Variants in PLOD2 observed in about 807,000 individuals in gnomAD.
PLOD2 encodes the protein procollagen-lysine,2-oxoglutarate 5-dioxygenase 2.
A neutral mutation model predicts 101.0 loss-of-function variants in PLOD2; 65 were observed. The observed-to-expected ratio is 0.64, with a 90% CI of 0.53 to 0.79. The LOEUF (loss-of-function observed/expected upper bound fraction) is 0.79, where lower values mean the gene tolerates loss of function less well. PLOD2 is among the 30% of genes least tolerant of loss of function. PLOD2 has a pLI of 0.00. For missense variants in PLOD2, 909 were observed against 914.6 expected (o/e 0.99, Z 0.08); for synonymous variants, 314 against 302.9 (o/e 1.04, Z -0.38).
At chr3:146,080,441 A>C (rs1936497373) in intron 12 of PLOD2, among the ~76,000 whole-genome samples, 1 of 152,012 alleles carries the variant, frequency 6.6e-6, no homozygotes, top group Admixed American at 6.6e-5. Context: ...ATAAAGGGGA[A>C]TTACTGTATA....
Position 146,077,070 on chromosome 3 carries a change from T to C in PLOD2, c.1564-175A>G, listed in dbSNP as rs1437839652. 1.2e-5 allele frequency: 15 copies of C among 1,283,472 alleles called. No homozygotes were observed. The African/African-American group carries it at 1.8e-4, about 16-fold the overall frequency. The allele number at this position is 1,283,472 out of a possible 1,614,324, so 79.5% of individuals were successfully genotyped here. A position where few individuals can be genotyped will look rare whatever the true frequency, so the allele number is the denominator to read the frequency against. On this transcript the variant is annotated intron_variant, in intron 14 of 19. Transcript: ENST00000282903. ...TTAAAATAAAAAACTCAAATTTTGA[T>C]TATGAATTCAGACACCACACAAAAC...
intron 11 of PLOD2, among the ~76,000 whole-genome samples, chr3:146,083,799 T>C (rs1336536021): frequency 6.6e-6 from 1 of 151,960 alleles, no homozygotes; most frequent in Non-Finnish European, 1.5e-5. Flanking sequence ...GCCAGGATGA[T>C]CTCGATCTCC....
chr3:146,121,001 G>A (rs774468257), intron 3 of PLOD2, 111 bp downstream of exon 3: 9 of 857,304 alleles, frequency 1.0e-5, no homozygotes, highest in Middle Eastern at 2.2e-4. Context: ...GATTACAGGC[G>A]TGAGCCACCG....
At chr3:146,145,756 C>G (rs897836823) in intron 1 of PLOD2, among the ~76,000 whole-genome samples, 1 of 151,730 alleles carries the variant, frequency 6.6e-6, no homozygotes, top group Non-Finnish European at 1.5e-5. Flanking sequence ...CTTAATGAGC[C>G]AGAATTTTAT....
chr3:146,104,299 T>C lies in PLOD2; in HGVS notation c.659A>G (p.Gln220Arg), dbSNP rs1002474604. The C allele has an allele frequency of 4.4e-6, 7 of 1,592,420 alleles. No homozygotes were observed. The highest frequency in any genetic ancestry group is 6.0e-6 in the Non-Finnish European group (7 of 1,160,248). The change falls in exon 6 of 20, where the codon CAG (glutamine) becomes CGG (arginine). Residue 220 changes from glutamine (Q) to arginine (R), a missense_variant. Coordinates refer to ENST00000282903, the MANE Select transcript of PLOD2 (RefSeq NM_182943.3). Reference protein sequence around the residue: ...ITLDHKCKIFQTLNGAVDEVV... With the variant: ...ITLDHKCKIFRTLNGAVDEVV... The stretch of plus-strand genomic sequence containing the variant: ...CATACCTACAGCTCCATTTAAGGTC[T>C]GGAAAATTTTGCATTTGTGATCCAA...
rs1453379303 is a variant in PLOD2 at position 146,161,165 on chromosome 3, C to T, written c.-176G>A. The T allele has an allele frequency of 6.2e-5, 25 of 401,436 alleles. No homozygotes were observed. Among genetic ancestry groups the T allele is most frequent in the Non-Finnish European group, 9.9e-5 (23 of 232,170 alleles). 24.9% of individuals were successfully genotyped at this position (401,436 alleles called of 1,614,324 possible). ...GCGTAACGCAGCTGAGTGAGGTCGT[C>T]GGTGGAGGCACGGAGCAGCAGGCGC... On this transcript the variant is annotated 5_prime_UTR_variant, in exon 1 of 20. Coordinates refer to ENST00000282903, the MANE Select transcript of PLOD2 (RefSeq NM_182943.3).
intron 1 of PLOD2, among the ~76,000 whole-genome samples, chr3:146,154,040 A>T (rs1398832045): frequency 6.6e-6 from 1 of 152,156 alleles, no homozygotes; most frequent in African/African-American, 2.4e-5. Context: ...CAAGATAATA[A>T]AAGCAATATT....
intron 1 of PLOD2, among the ~76,000 whole-genome samples, chr3:146,150,936 A>AAATT (rs1559874065): frequency 2.6e-5 from 4 of 152,178 alleles, no homozygotes; most frequent in Non-Finnish European, 5.9e-5. Flanking sequence ...AACACTTGGA[A>AAATT]CCTTTTTAAA....
At chr3:146,085,593 G>A (rs571248338) in intron 10 of PLOD2, 308 of 340,438 alleles carry the variant, frequency 9.0e-4, no homozygotes, top group Admixed American at 3.9e-3. Flanking sequence ...ACATACACAT[G>A]CACACAAATG....
chr3:146,079,363 T>C (rs977674537), intron 12 of PLOD2, 106 bp from the exon 13 acceptor site: 1 of 783,330 alleles, frequency 1.3e-6, no homozygotes, highest in Non-Finnish European at 2.1e-6. Flanking sequence ...TTTGTATACA[T>C]AAATTATTGA....
At chr3:146,147,011 C>T (rs1265666750) in intron 1 of PLOD2, among the ~76,000 whole-genome samples, 2 of 152,046 alleles carry the variant, frequency 1.3e-5, no homozygotes, top group Admixed American at 6.6e-5. Flanking sequence ...GAGAAGCTTC[C>T]GAGGTTGGGA....
chr3:146,109,628 T>C (rs1440436492), intron 4 of PLOD2, among the ~76,000 whole-genome samples: 1 of 152,246 alleles, frequency 6.6e-6, no homozygotes, highest in Non-Finnish European at 1.5e-5. Flanking sequence ...TTTGTCCCTA[T>C]GTTTACATTA....
rs1250879947 is a variant in PLOD2, at chr3:146,096,902, C to T, written c.778-5001G>A. On this transcript the variant is annotated intron_variant, in intron 7 of 19. Transcript: ENST00000282903. Reference sequence around the variant, plus strand: ...AGGTGGGGGGGGGGAGTCGGCCAGCCGCCCCGTCCAGGAGGTGAGGGGCGC... The same window carrying T: ...AGGTGGGGGGGGGGAGTCGGCCAGCTGCCCCGTCCAGGAGGTGAGGGGCGC... 3.3e-5 allele frequency among the ~76,000 whole-genome samples: 4 copies of T among 122,548 alleles called. 1 individual carries two copies. Among genetic ancestry groups the T allele is most frequent in the Middle Eastern group, 0.01 (2 of 198 alleles). 80.4% of individuals were successfully genotyped at this position (122,548 alleles called of 152,430 possible). A position where few individuals can be genotyped will look rare whatever the true frequency, so the allele number is the denominator to read the frequency against.
Position 146,071,531 on chromosome 3 carries a change from G to C in PLOD2, c.1849-108C>G, listed in dbSNP as rs547609791. On this transcript the variant is annotated intron_variant, in intron 17 of 19. Coordinates refer to ENST00000282903, the MANE Select transcript of PLOD2 (RefSeq NM_182943.3). ...ATCATAATAGACAATAAAAATAACA[G>C]TTGTTCCAATGTGGTATATCATCTG... 5 of 1,082,838 alleles carry C rather than the reference G, an allele frequency of 4.6e-6. No individual in the cohort carries two copies. The South Asian group carries it at 5.2e-5, about 11-fold the overall frequency. The allele number at this position is 1,082,838 out of a possible 1,614,324, so 67.1% of individuals were successfully genotyped here. A position where few individuals can be genotyped will look rare whatever the true frequency, so the allele number is the denominator to read the frequency against.
At chr3:146,091,565 A>G (rs1936969376) in intron 8 of PLOD2, among the ~76,000 whole-genome samples, 1 of 151,926 alleles carries the variant, frequency 6.6e-6, no homozygotes. Context: ...GCTATTAAAT[A>G]TTAACCACAG....
intron 4 of PLOD2, among the ~76,000 whole-genome samples, chr3:146,107,596 C>T (rs1937557335): frequency 6.8e-6 from 1 of 146,304 alleles, no homozygotes; most frequent in Non-Finnish European, 1.5e-5. Flanking sequence ...TCAATGGTTG[C>T]TCATTTTTTG....
intron 14 of PLOD2, chr3:146,077,606 A>C (rs1340067418): frequency 2.4e-5 from 9 of 369,188 alleles, no homozygotes; most frequent in Non-Finnish European, 1.4e-5. Flanking sequence ...CTAAAAAAAG[A>C]ATGAAAGGGA....
intron 1 of PLOD2, among the ~76,000 whole-genome samples, chr3:146,153,658 C>T (rs1443307559): frequency 2.0e-5 from 3 of 152,160 alleles, no homozygotes; most frequent in African/African-American, 4.8e-5. Flanking sequence ...ATCTATTTCG[C>T]TTGTTGCTGT....
intron 12 of PLOD2, among the ~76,000 whole-genome samples, chr3:146,080,876 G>A (rs1284917836): frequency 1.3e-5 from 2 of 152,108 alleles, no homozygotes; most frequent in Non-Finnish European, 2.9e-5. Flanking sequence ...CATTCAGATT[G>A]AAGCTTTCCA....
Sources: allele counts gnomAD v4.1 joint callset (sites outside exome capture counted in the v4.1 genomes callset), GRCh38; gene constraint gnomAD v4.1.1; transcripts MANE v1.5; gene names NCBI Gene and HGNC (gene_info 2026-07-23, HGNC 2026-07-21).